The following UGT1A9 variants were observed in gnomAD, a reference collection of about 807,000 sequenced individuals.
UGT1A9 encodes the protein UDP-glucuronosyltransferase 1A9.
In UGT1A9, 35 loss-of-function variants were observed where a neutral mutation model predicts 45.0. The observed-to-expected ratio is 0.78, with a 90% CI of 0.59 to 1.03. The LOEUF (loss-of-function observed/expected upper bound fraction) is 1.03, where lower values mean the gene tolerates loss of function less well. UGT1A9 is among the 50% of genes least tolerant of loss of function. UGT1A9 has a pLI of 0.00. For missense variants in UGT1A9, 687 were observed against 666.6 expected (o/e 1.03, Z -0.34); for synonymous variants, 278 against 250.6 (o/e 1.11, Z -1.03).
chr2:233,700,870 T>C (rs979939494), intron 1 of UGT1A9, among the ~76,000 whole-genome samples: 10 of 148,434 alleles, frequency 6.7e-5, no homozygotes, highest in South Asian at 2.3e-4. Flanking sequence ...TATCCCTCCC[T>C]CCTCCCCCCA....
chr2:233,743,897 A>G (rs1231389302), intron 1 of UGT1A9: 4 of 1,366,642 alleles, frequency 2.9e-6, no homozygotes, highest in Non-Finnish European at 3.9e-6. Flanking sequence ...CACGTCCAGC[A>G]CCTCGTAGTA....
intron 1 of UGT1A9, among the ~76,000 whole-genome samples, chr2:233,695,064 C>G (rs576556742): frequency 9.2e-5 from 14 of 152,068 alleles, no homozygotes; most frequent in Non-Finnish European, 2.1e-4. Context: ...ACTGTGCTAT[C>G]GCACTTTGGA....
Position 233,769,475 on chromosome 2 carries a change from G to C in UGT1A9, c.1295+1036G>C. 1.2e-6 allele frequency: 2 copies of C among 1,611,166 alleles called. No individual in the cohort carries two copies. Among genetic ancestry groups the C allele is most frequent in the Non-Finnish European group, 1.7e-6 (2 of 1,178,526 alleles). On this transcript the variant is annotated intron_variant, in intron 4 of 4. Coordinates refer to ENST00000354728, the MANE Select transcript of UGT1A9 (RefSeq NM_021027.3). The surrounding 1 kb of genome is among the most constrained non-coding windows in gnomAD (Gnocchi z 4.4). ...TGTGCATTCATATGCGTGTGTGTGT[G>C]TGTGCGTGTGTTTATGAGAGTGTCC...
intron 1 of UGT1A9, among the ~76,000 whole-genome samples, chr2:233,704,300 A>G (rs2075779861): frequency 6.8e-6 from 1 of 146,016 alleles, no homozygotes; most frequent in Non-Finnish European, 1.5e-5. Flanking sequence ...CTAGTGCAAC[A>G]TGTAAAATCC....
chr2:233,743,576 A>T (rs1692358823), intron 1 of UGT1A9: 1 of 1,367,112 alleles, frequency 7.3e-7, no homozygotes, highest in Non-Finnish European at 9.8e-7. Flanking sequence ...GTTTCCCAAG[A>T]GGTCAAAGGA....
At chr2:233,697,876 C>T (rs533804115) in intron 1 of UGT1A9, among the ~76,000 whole-genome samples, 2 of 152,156 alleles carry the variant, frequency 1.3e-5, no homozygotes, top group South Asian at 4.1e-4. Flanking sequence ...TTAATGATTT[C>T]TTACCATTGA....
At chr2:233,693,802 G>A (rs761878719) in intron 1 of UGT1A9, 25 of 1,613,988 alleles carry the variant, frequency 1.5e-5, no homozygotes, top group Admixed American at 1.0e-4. Context: ...ATCCTAGGCC[G>A]GTCATGCCCA....
intron 1 of UGT1A9, among the ~76,000 whole-genome samples, chr2:233,673,160 G>A (rs1042017198): frequency 6.6e-6 from 1 of 152,050 alleles, no homozygotes; most frequent in African/African-American, 2.4e-5. Flanking sequence ...TTTTAAAAAA[G>A]TACTTTAGGT....
chr2:233,714,109 G>A (rs561415823), intron 1 of UGT1A9, among the ~76,000 whole-genome samples: 1 of 152,272 alleles, frequency 6.6e-6, no homozygotes, highest in East Asian at 1.9e-4. Flanking sequence ...AGAGTGGTGT[G>A]ACTCACGGAG....
rs1699312336 is a variant in UGT1A9, at chr2:233,767,034, G to A, written c.856G>A (p.Glu286Lys). ...CTGAAAATTTTTCTTCTGGCTCTAG[G>A]AATTTGAAGCCTACATTAATGCTTC... ...NCHQGKPLPMEFEAYINASGE... is the reference protein window; with the variant it reads ...NCHQGKPLPMKFEAYINASGE... The change falls in exon 2 of 5, where the codon GAA becomes AAA. Residue 286 changes from glutamate (E) to lysine (K), a missense_variant and splice_region_variant. Physicochemically the swap from Glu to Lys is moderately conservative, Grantham distance 56. Transcript: ENST00000354728. 16 of 1,614,030 alleles carry A rather than the reference G, an allele frequency of 9.9e-6. No homozygotes were observed. The highest frequency in any genetic ancestry group is 1.4e-5 in the Non-Finnish European group (16 of 1,180,002).
chr2:233,706,059 C>T lies in UGT1A9; in HGVS notation c.855+33270C>T, dbSNP rs28898587. 2.0e-3 allele frequency among the ~76,000 whole-genome samples: 305 copies of T among 152,274 alleles called. 7 individuals carry two copies. In the East Asian group the frequency reaches 0.057, roughly 29 times the overall value. ...GCAGTGAGCCGAGATCACGCCACTGCATGCCAGCCTGGGTGACAGAGCTAG... is the reference window on the plus strand; with the variant it reads ...GCAGTGAGCCGAGATCACGCCACTGTATGCCAGCCTGGGTGACAGAGCTAG... On this transcript the variant is annotated intron_variant, in intron 1 of 4. Transcript: ENST00000354728.
At chr2:233,691,675 A>G (rs539238646) in intron 1 of UGT1A9, 89 of 967,552 alleles carry the variant, frequency 9.2e-5, no homozygotes, top group Non-Finnish European at 1.1e-4. Flanking sequence ...GCCTCAGTTG[A>G]GAAACCTGAA....
chr2:233,701,378 C>G (rs1424397664), intron 1 of UGT1A9, among the ~76,000 whole-genome samples: 1 of 152,076 alleles, frequency 6.6e-6, no homozygotes, highest in African/African-American at 2.4e-5. Context: ...GACTTAGACT[C>G]CCACACAATA....
chr2:233,724,658 G>C lies in UGT1A9; in HGVS notation c.856-42376G>C, dbSNP rs1029278749. 3.5e-5 allele frequency among the ~76,000 whole-genome samples: 5 copies of C among 142,980 alleles called. 1 individual carries two copies. Among genetic ancestry groups the C allele is most frequent in the African/African-American group, 1.3e-4 (5 of 37,636 alleles). 93.8% of individuals were successfully genotyped at this position (142,980 alleles called of 152,430 possible). On this transcript the variant is annotated intron_variant, in intron 1 of 4. Coordinates refer to ENST00000354728, the MANE Select transcript of UGT1A9 (RefSeq NM_021027.3). ...GATGTGATGGCGGCTGGGAAGAGGC[G>C]CTCCTCACTTCCTAGATGGGATGGC...
At chr2:233,705,662 A>G (rs1466344578) in intron 1 of UGT1A9, among the ~76,000 whole-genome samples, 3 of 152,204 alleles carry the variant, frequency 2.0e-5, no homozygotes, top group African/African-American at 7.2e-5. Context: ...CATAAATTAT[A>G]GTTGTGAGAT....
At position 233,718,952 on chromosome 2, in the gene UGT1A9, G is replaced by A. The variant is rs773069421; in HGVS notation, c.855+46163G>A. The stretch of plus-strand genomic sequence containing the variant: ...CTGATGGCAGCCCCTGGCTCAGCAT[G>A]CGGGAGGCCTTGCGGGAGCTCCATG... On this transcript the variant is annotated intron_variant, in intron 1 of 4. Transcript: ENST00000354728. 25 of 1,614,082 alleles carry A rather than the reference G, an allele frequency of 1.5e-5. No homozygotes were observed. In the Admixed American group the frequency reaches 2.2e-4, roughly 14 times the overall value.
At chr2:233,748,610 A>G (rs1485251658) in intron 1 of UGT1A9, among the ~76,000 whole-genome samples, 1 of 151,818 alleles carries the variant, frequency 6.6e-6, no homozygotes, top group Non-Finnish European at 1.5e-5. Context: ...TAGAGCAACG[A>G]ACGTGGGATA....
chr2:233,747,676 A>G (rs1559392611), intron 1 of UGT1A9: 10 of 1,605,156 alleles, frequency 6.2e-6, no homozygotes, highest in Non-Finnish European at 8.5e-6. Flanking sequence ...GACCCAATTT[A>G]CCTCTGTGGG....
intron 1 of UGT1A9, chr2:233,743,832 T>TG (rs1692537259): frequency 7.3e-7 from 1 of 1,367,134 alleles, no homozygotes; most frequent in South Asian, 1.1e-5. Flanking sequence ...GGGTGCCACT[T>TG]GAGCGCCAGC....
Sources: allele counts gnomAD v4.1 joint callset (sites outside exome capture counted in the v4.1 genomes callset), GRCh38; gene constraint gnomAD v4.1.1; non-coding constraint Gnocchi (gnomAD v3.1); transcripts MANE v1.5; gene names NCBI Gene and HGNC (gene_info 2026-07-23, HGNC 2026-07-21).